Variants in SFXN3 observed in about 807,000 individuals in gnomAD.
The protein encoded by SFXN3 is sideroflexin-3.
In SFXN3, 31 loss-of-function variants were observed where a neutral mutation model predicts 40.4. The ratio of observed to expected loss-of-function variants is 0.77; its 90% CI spans 0.58 to 1.04. The LOEUF (loss-of-function observed/expected upper bound fraction) is 1.04. Ranked by LOEUF, SFXN3 falls within the 50% of genes least tolerant of loss-of-function variation. SFXN3 has a pLI of 0.00. For missense variants in SFXN3, 366 were observed against 408.2 expected, an observed-to-expected ratio of 0.90 and a Z score of 0.89; for synonymous variants, 157 against 160.0, an observed-to-expected ratio of 0.98 and a Z score of 0.14.
chr10:101,035,653 G>A (rs777825253), exon 4 of SFXN3: 6 of 1,611,272 alleles, frequency 3.7e-6, no homozygotes, highest in Non-Finnish European at 5.1e-6. Context: ...CTGGCTGCAT[G>A]CTCACATTCT....
exon 12 of SFXN3, chr10:101,041,066 G>T (rs1458619005): frequency 6.6e-6 from 1 of 152,242 alleles, no homozygotes; most frequent in Admixed American, 6.5e-5. Context: ...TAAGTTCACA[G>T]AGTGTAGTTA....
chr10:101,040,202 C>G (rs1938830392), exon 12 of SFXN3: 1 of 154,668 alleles, frequency 6.5e-6, no homozygotes, highest in African/African-American at 2.4e-5. Flanking sequence ...TCCCTTGTAT[C>G]CTGGAATAGC....
exon 4 of SFXN3, chr10:101,035,504 G>A (rs765826130): frequency 2.7e-5 from 44 of 1,604,450 alleles, no homozygotes; most frequent in South Asian, 4.5e-5. Context: ...CAGGGCCGGC[G>A]TGGTGACCCC....
chr10:101,037,389 A>C (rs2134208456), exon 9 of SFXN3: 1 of 1,614,070 alleles, frequency 6.2e-7, no homozygotes, highest in East Asian at 2.2e-5. Context: ...CAGCCATCCC[A>C]CCACTGATCA....
intron 7 of SFXN3, 58 bp from the exon 8 acceptor site, chr10:101,037,018 G>T (rs1037149467): frequency 6.9e-5 from 111 of 1,602,954 alleles, no homozygotes; most frequent in Non-Finnish European, 8.8e-5. Context: ...CTGCTCATTC[G>T]GGCATTGCAG....
chr10:101,036,972 T>C lies in SFXN3; in HGVS notation c.594-104T>C. 6.5e-7 allele frequency: 1 copy of C among 1,540,050 alleles called. No individual in the cohort carries two copies. Among genetic ancestry groups the C allele is most frequent in the East Asian group, 2.3e-5 (1 of 43,390 alleles). On this transcript the variant is annotated intron_variant, in intron 7 of 11. Coordinates refer to ENST00000393459, the Ensembl canonical transcript of SFXN3. The surrounding 1 kb of genome is among the most constrained non-coding windows in gnomAD (Gnocchi z 4.2). ...ATCCTCAGGTGGGAGAACCAGCCTT[T>C]GAGCCTGGGGTGTGTGAGGGGACCC...
At chr10:101,038,458 C>T (rs1938726121) in intron 9 of SFXN3, 185 bp from the exon 10 acceptor site, 1 of 1,464,754 alleles carries the variant, frequency 6.8e-7, no homozygotes, top group African/African-American at 1.4e-5. Context: ...AGCAGACAGG[C>T]CTGGCTGGAG....
At chr10:101,032,592 G>T in intron 2 of SFXN3, 110 bp downstream of exon 2, 2 of 1,250,538 alleles carry the variant, frequency 1.6e-6, no homozygotes, top group Non-Finnish European at 2.1e-6. Context: ...GCTCTGTGGA[G>T]GTCCAAGTCC....
chr10:101,032,427 G>A (rs1402355715), exon 2 of SFXN3: 5 of 1,513,982 alleles, frequency 3.3e-6, no homozygotes, highest in Middle Eastern at 1.7e-4. Context: ...GCCCGGCGGC[G>A]ACAGCGGAGG....
At chr10:101,032,378 T>C (rs541529063) in exon 2 of SFXN3, 19 of 1,388,162 alleles carry the variant, frequency 1.4e-5, no homozygotes, top group Non-Finnish European at 1.7e-5. Flanking sequence ...TCCCTGCTGG[T>C]CGGCGTCACG....
intron 3 of SFXN3, 76 bp downstream of exon 3, chr10:101,034,931 C>T (rs1938517062): frequency 2.6e-6 from 4 of 1,530,968 alleles, no homozygotes; most frequent in Middle Eastern, 3.5e-4. Flanking sequence ...TTGTACCTGC[C>T]TCCTCAAGCT....
chr10:101,033,327 G>A (rs529788479), intron 2 of SFXN3, among the ~76,000 whole-genome samples: 31 of 152,298 alleles, frequency 2.0e-4, no homozygotes, highest in Admixed American at 1.0e-3. Flanking sequence ...TGTAGCACAC[G>A]TGGCTGGGAT....
Position 101,039,665 on chromosome 10 carries a change from A to C in SFXN3, c.*80A>C. On this transcript the variant is annotated 3_prime_UTR_variant, in exon 12 of 12. Transcript: ENST00000393459. The surrounding 1 kb of genome is among the most constrained non-coding windows in gnomAD (Gnocchi z 4.6). ...GTCATGTCACCCCTACCACTTGGCTATCTGCCTAGCACTGGGCAGGGGCCT... is the reference window on the plus strand; with the variant it reads ...GTCATGTCACCCCTACCACTTGGCTCTCTGCCTAGCACTGGGCAGGGGCCT... 7.1e-7 allele frequency: 1 copy of C among 1,403,550 alleles called. No homozygotes were observed. Among genetic ancestry groups the C allele is most frequent in the Admixed American group, 1.7e-5 (1 of 59,266 alleles). 86.9% of individuals were successfully genotyped at this position (1,403,550 alleles called of 1,614,324 possible). A position where few individuals can be genotyped will look rare whatever the true frequency, so the allele number is the denominator to read the frequency against.
chr10:101,032,056 C>G (rs1008698331), intron 1 of SFXN3: 26 of 193,472 alleles, frequency 1.3e-4, no homozygotes, highest in Non-Finnish European at 2.4e-4. Flanking sequence ...GACCGCCCCT[C>G]CACACCGCCC....
chr10:101,038,770 T>A, intron 10 of SFXN3, 78 bp downstream of exon 10: 1 of 1,592,472 alleles, frequency 6.3e-7, no homozygotes, highest in Non-Finnish European at 8.5e-7. Context: ...GGATTGTCTT[T>A]AAGATGTTTA....
chr10:101,032,933 C>T (rs1260665768), intron 2 of SFXN3, among the ~76,000 whole-genome samples: 1 of 152,208 alleles, frequency 6.6e-6, no homozygotes, highest in Non-Finnish European at 1.5e-5. Flanking sequence ...GGAGCAGCCA[C>T]TGAATCCTGC....
chr10:101,034,714 A>T, exon 3 of SFXN3: 2 of 1,614,058 alleles, frequency 1.2e-6, no homozygotes, highest in Middle Eastern at 3.3e-4. Context: ...TTGCCTTTAG[A>T]CATCAACATC....
At position 101,038,434 on chromosome 10, in the gene SFXN3, C is replaced by T. The variant is rs559388687; in HGVS notation, c.772-209C>T. The T allele has an allele frequency of 5.2e-5, 74 of 1,434,108 alleles. No homozygotes were observed. The Admixed American group carries it at 7.8e-4, about 15-fold the overall frequency. 88.8% of individuals were successfully genotyped at this position (1,434,108 alleles called of 1,614,324 possible). A position where few individuals can be genotyped will look rare whatever the true frequency, so the allele number is the denominator to read the frequency against. On this transcript the variant is annotated intron_variant, in intron 9 of 11. Transcript: ENST00000393459. ...TGAGAGGTGAGAGGTCATGGGATGC[C>T]GGGGAGGGTGATCAGCAGACAGGCC...
chr10:101,036,772 C>G lies in SFXN3; in HGVS notation c.557C>G (p.Ala186Gly), dbSNP rs1590088139. 1 of 1,613,886 alleles carries G rather than the reference C, an allele frequency of 6.2e-7. No homozygotes were observed. Among genetic ancestry groups the G allele is most frequent in the South Asian group, 1.1e-5 (1 of 91,086 alleles). ...TTTGTGCCCTTTGCAGCAGTGGCAGCTGCCAACTGCATCAACATCCCCCTG... is the reference window on the plus strand; with the variant it reads ...TTTGTGCCCTTTGCAGCAGTGGCAGGTGCCAACTGCATCAACATCCCCCTG... The change falls in exon 7 of 12, where the codon GCT (alanine) becomes GGT (glycine). Residue 186 changes from alanine (A) to glycine (G), a missense_variant. Coordinates refer to ENST00000393459, the Ensembl canonical transcript of SFXN3. The surrounding 1 kb of genome is among the most constrained non-coding windows in gnomAD (Gnocchi z 4.2).
Sources: gnomAD v4.1 joint callset for allele counts (sites outside exome capture counted in the v4.1 genomes callset) on GRCh38, gnomAD v4.1.1 for gene constraint, Gnocchi (gnomAD v3.1) non-coding constraint, MANE v1.5 for transcripts, NCBI Gene and HGNC (gene_info 2026-07-23, HGNC 2026-07-21) for gene names.